Variants in SERINC5 observed in about 807,000 individuals in gnomAD.
The protein encoded by SERINC5 is chromosome 5 open reading frame 12.
A neutral mutation model predicts 63.1 loss-of-function variants in SERINC5; 41 were observed. That is an observed-to-expected ratio of 0.65 (90% CI 0.51 to 0.84). The LOEUF (loss-of-function observed/expected upper bound fraction) is 0.84. Among genes scored for constraint, SERINC5 ranks in the 40% least tolerant of loss-of-function variants. The pLI is 0.00. For missense variants in SERINC5, 523 were observed against 573.0 expected, an observed-to-expected ratio of 0.91 and a Z score of 0.89; for synonymous variants, 222 against 215.2, an observed-to-expected ratio of 1.03 and a Z score of -0.28.
intron 7 of SERINC5, among the ~76,000 whole-genome samples, chr5:80,162,501 G>A (rs1747008932): frequency 1.3e-5 from 2 of 152,126 alleles, no homozygotes; most frequent in Non-Finnish European, 2.9e-5. Flanking sequence ...GGACCCATGA[G>A]TAGCTAGAAC....
At chr5:80,248,839 G>C (rs1054752134) in intron 1 of SERINC5, among the ~76,000 whole-genome samples, 1 of 152,128 alleles carries the variant, frequency 6.6e-6, no homozygotes, top group Non-Finnish European at 1.5e-5. Flanking sequence ...AAAAAGAAAA[G>C]GTCAAAGTTA....
chr5:80,223,021 ATTT>A (rs1171071558), intron 1 of SERINC5, among the ~76,000 whole-genome samples: 1 of 151,346 alleles, frequency 6.6e-6, no homozygotes, highest in Non-Finnish European at 1.5e-5. Flanking sequence ...TGCCTGGCTA[ATTT>A]TTTTTATTTT....
At position 80,189,788 on chromosome 5, in the gene SERINC5, T is replaced by C. The variant is rs558236954; in HGVS notation, c.196-11724A>G. ...GTGCAGTGGCACAATCATAGCTCAC[T>C]GCAGCCTCAAACTCCTAGACGCAAG... On this transcript the variant is annotated intron_variant, in intron 2 of 11. Coordinates refer to ENST00000507668, the MANE Select transcript of SERINC5 (RefSeq NM_001174072.3). 3.9e-5 allele frequency among the ~76,000 whole-genome samples: 6 copies of C among 152,306 alleles called. No homozygotes were observed. The East Asian group carries it at 1.2e-3, about 29-fold the overall frequency.
At chr5:80,145,966 T>C (rs1168404821) in intron 11 of SERINC5, 124 bp downstream of exon 11, 1 of 981,342 alleles carries the variant, frequency 1.0e-6, no homozygotes, top group Middle Eastern at 2.2e-4. Context: ...GCCAGGATCG[T>C]GCCACTGCAC....
intron 11 of SERINC5, chr5:80,114,656 A>C (rs1272713313): frequency 6.8e-6 from 1 of 146,510 alleles, no homozygotes; most frequent in Non-Finnish European, 1.5e-5. Flanking sequence ...CTCCATCTCA[A>C]AAAAAAAAAA....
downstream of SERINC5, among the ~76,000 whole-genome samples, chr5:80,138,209 T>C (rs1164669796): frequency 2.0e-5 from 3 of 152,038 alleles, no homozygotes; most frequent in African/African-American, 4.8e-5. Flanking sequence ...AGGGTGATGT[T>C]GGTCAAAGAA....
chr5:80,147,783 G>C (rs1221722708), intron 9 of SERINC5, among the ~76,000 whole-genome samples: 2 of 152,112 alleles, frequency 1.3e-5, no homozygotes, highest in African/African-American at 4.8e-5. Context: ...CCCAATGAAC[G>C]TGACAAGAGC....
chr5:80,214,102 C>G lies in SERINC5; in HGVS notation c.28-11049G>C, dbSNP rs560518171. Among the ~76,000 whole-genome samples, 6 of 152,156 alleles carry G rather than the reference C, an allele frequency of 3.9e-5. No individual in the cohort carries two copies. The South Asian group carries it at 1.2e-3, about 32-fold the overall frequency. ...GTTCATGTTGTAGAATATAATACAC[C>G]CACTGAAATGATTATATAGGTTATA... is the stretch of plus-strand genomic sequence containing the variant. On this transcript the variant is annotated intron_variant, in intron 1 of 11. Transcript: ENST00000507668.
chr5:80,150,683 G>A (rs1204850696), intron 9 of SERINC5, among the ~76,000 whole-genome samples, 199 bp downstream of exon 9: 6 of 152,104 alleles, frequency 3.9e-5, no homozygotes, highest in African/African-American at 9.7e-5. Flanking sequence ...TGATCCACCC[G>A]CCTCGGACTC....
chr5:80,201,506 A>G (rs1009686321), intron 2 of SERINC5, among the ~76,000 whole-genome samples: 3 of 152,210 alleles, frequency 2.0e-5, no homozygotes, highest in Non-Finnish European at 2.9e-5. Context: ...GCTTCCCTGA[A>G]GATATGAACC....
chr5:80,114,664 A>AG (rs1744263398), intron 11 of SERINC5: 1 of 151,982 alleles, frequency 6.6e-6, no homozygotes, highest in Admixed American at 6.6e-5. Flanking sequence ...CAAAAAAAAA[A>AG]AAAAAAAAGG....
At chr5:80,199,653 C>T (rs913052150) in intron 2 of SERINC5, among the ~76,000 whole-genome samples, 1 of 152,136 alleles carries the variant, frequency 6.6e-6, no homozygotes, top group Non-Finnish European at 1.5e-5. Flanking sequence ...AAACACATAC[C>T]AATGGCTCCC....
At position 80,229,859 on chromosome 5, in the gene SERINC5, T is replaced by C. The variant is rs114331766; in HGVS notation, c.27+26037A>G. On this transcript the variant is annotated intron_variant, in intron 1 of 11. Coordinates refer to ENST00000507668, the MANE Select transcript of SERINC5 (RefSeq NM_001174072.3). The stretch of plus-strand genomic sequence containing the variant: ...ACAAAACAGAGACAACAGTAGTTCC[T>C]ACATCATAGGATTATTAGGACTGAG... Among the ~76,000 whole-genome samples the C allele has an allele frequency of 2.1e-3, 323 of 152,324 alleles. 3 individuals are homozygous for C. Among genetic ancestry groups the C allele is most frequent in the African/African-American group, 7.3e-3 (303 of 41,574 alleles).
chr5:80,161,887 G>C (rs533738693), intron 7 of SERINC5, among the ~76,000 whole-genome samples: 9 of 151,090 alleles, frequency 6.0e-5, no homozygotes, highest in African/African-American at 1.9e-4. Context: ...GTTGATTTTT[G>C]TATGTGGTGA....
intron 1 of SERINC5, among the ~76,000 whole-genome samples, chr5:80,209,308 G>A (rs1580171744): frequency 6.6e-6 from 1 of 152,240 alleles, no homozygotes; most frequent in East Asian, 1.9e-4. Flanking sequence ...ACGACCACTG[G>A]GGTGGTCCCT....
downstream of SERINC5, among the ~76,000 whole-genome samples, chr5:80,137,415 C>T (rs1292394053): frequency 7.4e-5 from 11 of 147,770 alleles, no homozygotes; most frequent in East Asian, 6.1e-4. Context: ...CCAAGACAGG[C>T]GGATCATGAG....
chr5:80,140,327 AAAAAAGGC>A lies in SERINC5; in HGVS notation c.*3328_*3335del. 1 of 930,832 alleles carries A rather than the reference AAAAAAGGC, an allele frequency of 1.1e-6. No homozygotes were observed. Among genetic ancestry groups the A allele is most frequent in the Non-Finnish European group, 1.3e-6 (1 of 782,602 alleles). The allele number at this position is 930,832 out of a possible 1,614,324, so 57.7% of individuals were successfully genotyped here. On this transcript the variant is annotated 3_prime_UTR_variant, in exon 12 of 12. Coordinates refer to ENST00000507668, the MANE Select transcript of SERINC5 (RefSeq NM_001174072.3). ...CTCCAAAAAAAAAAAAAAAAAAAAA[AAAAAAGGC>A]TTAGGGTGACAATTTTGACATGGGG...
At chr5:80,236,581 T>G (rs776064035) in intron 1 of SERINC5, among the ~76,000 whole-genome samples, 4 of 150,864 alleles carry the variant, frequency 2.7e-5, no homozygotes, top group Non-Finnish European at 5.9e-5. Context: ...CAGGCTAGAG[T>G]GCCATGGCAG....
intron 6 of SERINC5, among the ~76,000 whole-genome samples, chr5:80,167,563 T>C (rs1030837117): frequency 1.4e-4 from 21 of 152,328 alleles, no homozygotes; most frequent in Non-Finnish European, 2.4e-4. Flanking sequence ...GAACCATTTA[T>C]ATTCTTTTGG....
Sources: allele counts gnomAD v4.1 joint callset (sites outside exome capture counted in the v4.1 genomes callset), GRCh38; gene constraint gnomAD v4.1.1; transcripts MANE v1.5; gene names NCBI Gene and HGNC (gene_info 2026-07-23, HGNC 2026-07-21).